Variants in SCUBE1 observed in about 807,000 individuals in gnomAD.
The protein encoded by SCUBE1 is signal peptide, CUB domain and EGF like domain containing 1.
In SCUBE1, 59 loss-of-function variants were observed where a neutral mutation model predicts 124.4. The observed-to-expected ratio is 0.47, with a 90% confidence interval of 0.38 to 0.59. The LOEUF (loss-of-function observed/expected upper bound fraction) is 0.59. Ranked by LOEUF, SCUBE1 falls within the 20% of genes least tolerant of loss-of-function variation. The probability of loss-of-function intolerance (pLI) is 0.00; values close to 1 mark genes in which losing one functional copy is unlikely to be tolerated. For synonymous variants in SCUBE1, 545 were observed against 550.9 expected (o/e 0.99, Z 0.15); for missense variants, 1,150 against 1,371.2 (o/e 0.84, Z 2.55).
chr22:43,245,819 A>G (rs1162828317), intron 6 of SCUBE1, among the ~76,000 whole-genome samples: 1 of 152,140 alleles, frequency 6.6e-6, no homozygotes, highest in African/African-American at 2.4e-5. Context: ...AACAATTTGC[A>G]AGGCAAATTA....
At chr22:43,217,303 TG>T (rs899902114) in intron 15 of SCUBE1, among the ~76,000 whole-genome samples, 2 of 151,616 alleles carry the variant, frequency 1.3e-5, no homozygotes, top group African/African-American at 2.4e-5. Flanking sequence ...AGACTGAACA[TG>T]TCCAGCCTGC....
At chr22:43,221,388 G>T in intron 12 of SCUBE1, 99 bp from the exon 13 acceptor site, 1 of 705,452 alleles carries the variant, frequency 1.4e-6, no homozygotes, top group East Asian at 2.6e-5. Flanking sequence ...TCTGGAGCTG[G>T]GGGTGGGGCT....
intron 2 of SCUBE1, among the ~76,000 whole-genome samples, chr22:43,332,133 A>G (rs1037140009): frequency 2.0e-5 from 3 of 152,058 alleles, no homozygotes; most frequent in Non-Finnish European, 4.4e-5. Flanking sequence ...CTAAAAATAC[A>G]AAAAACTAGC....
chr22:43,218,822 C>A (rs1331977104), intron 14 of SCUBE1, among the ~76,000 whole-genome samples: 1 of 152,214 alleles, frequency 6.6e-6, no homozygotes, highest in Non-Finnish European at 1.5e-5. Flanking sequence ...GGCCTTGAAT[C>A]CAAGGCCCTT....
intron 3 of SCUBE1, among the ~76,000 whole-genome samples, chr22:43,301,931 C>G (rs990049579): frequency 6.6e-6 from 1 of 152,232 alleles, no homozygotes; most frequent in Non-Finnish European, 1.5e-5. Context: ...CCTTCGCTGC[C>G]GTATGCTGCA....
At chr22:43,206,063 C>A (rs1921257344) in intron 21 of SCUBE1, among the ~76,000 whole-genome samples, 1 of 144,592 alleles carries the variant, frequency 6.9e-6, no homozygotes, top group Non-Finnish European at 1.5e-5. Context: ...ACACCACACA[C>A]CCTCACCTCC....
intron 2 of SCUBE1, among the ~76,000 whole-genome samples, chr22:43,320,728 G>A (rs1356669459): frequency 6.6e-6 from 1 of 152,208 alleles, no homozygotes; most frequent in Non-Finnish European, 1.5e-5. Flanking sequence ...CATTAACTCA[G>A]TGATGCAGGC....
chr22:43,309,637 C>T (rs1926101203), intron 3 of SCUBE1, among the ~76,000 whole-genome samples: 3 of 152,132 alleles, frequency 2.0e-5, no homozygotes, highest in Admixed American at 1.3e-4. Flanking sequence ...ATCTCCATTT[C>T]GATGGCTGCT....
At chr22:43,229,252 C>T in intron 8 of SCUBE1, 64 bp from the exon 9 acceptor site, 1 of 1,059,288 alleles carries the variant, frequency 9.4e-7, no homozygotes. Flanking sequence ...TGGGCACGGC[C>T]TGTCACTCTC....
At chr22:43,246,432 T>C (rs1923214830) in intron 6 of SCUBE1, among the ~76,000 whole-genome samples, 1 of 152,132 alleles carries the variant, frequency 6.6e-6, no homozygotes, top group Admixed American at 6.5e-5. Flanking sequence ...ACCCTCCAGC[T>C]GTGTGTGCCC....
At chr22:43,311,457 G>C in intron 3 of SCUBE1, among the ~76,000 whole-genome samples, 1 of 139,234 alleles carries the variant, frequency 7.2e-6, no homozygotes, top group South Asian at 2.3e-4. Flanking sequence ...GTCTCACTCT[G>C]TCGCCCAGGC....
chr22:43,243,504 GAC>G (rs1037418138), intron 6 of SCUBE1, among the ~76,000 whole-genome samples: 1 of 152,236 alleles, frequency 6.6e-6, no homozygotes, highest in Admixed American at 6.5e-5. Flanking sequence ...CCAGCGCTCT[GAC>G]AGAGGGAAGC....
rs905403617 is a variant in SCUBE1, at chr22:43,203,052, C to T, written c.*945G>A. ...GGAAGTGTCTTCCACTGAGTCTCGTCCAAGGGCAGTGATGTTGCTGGCAAG... is the reference window on the plus strand; with the variant it reads ...GGAAGTGTCTTCCACTGAGTCTCGTTCAAGGGCAGTGATGTTGCTGGCAAG... On this transcript the variant is annotated 3_prime_UTR_variant, in exon 22 of 22. Transcript: ENST00000360835. 2.0e-5 allele frequency: 3 copies of T among 152,262 alleles called. No individual in the cohort carries two copies. Among genetic ancestry groups the T allele is most frequent in the African/African-American group, 7.2e-5 (3 of 41,452 alleles). 9.4% of individuals were successfully genotyped at this position (152,262 alleles called of 1,614,324 possible).
chr22:43,340,510 A>T (rs762447272), intron 1 of SCUBE1, among the ~76,000 whole-genome samples: 4 of 151,386 alleles, frequency 2.6e-5, no homozygotes, highest in Non-Finnish European at 5.9e-5. Flanking sequence ...ACACACACAC[A>T]CACACACACA....
intron 3 of SCUBE1, among the ~76,000 whole-genome samples, chr22:43,309,357 A>T (rs1379120074): frequency 6.6e-6 from 1 of 152,170 alleles, no homozygotes; most frequent in Non-Finnish European, 1.5e-5. Context: ...AGAGAAGCAG[A>T]ATTACTTGCT....
intron 6 of SCUBE1, among the ~76,000 whole-genome samples, chr22:43,241,002 C>T (rs1922981751): frequency 1.3e-5 from 2 of 152,112 alleles, no homozygotes; most frequent in Admixed American, 6.6e-5. Context: ...GCTGAGGGCA[C>T]CGGGTCTCTG....
At chr22:43,303,828 G>A (rs1450730991) in intron 3 of SCUBE1, among the ~76,000 whole-genome samples, 4 of 152,240 alleles carry the variant, frequency 2.6e-5, no homozygotes, top group Admixed American at 2.6e-4. Flanking sequence ...ACAGTCAGGA[G>A]CATCTATTTT....
chr22:43,227,567 C>G (rs1306462600), intron 9 of SCUBE1, 71 bp from the exon 10 acceptor site: 1 of 1,577,718 alleles, frequency 6.3e-7, no homozygotes, highest in Non-Finnish European at 8.6e-7. Context: ...AGGGACCACC[C>G]AGGGCAAGAG....
chr22:43,341,675 A>G (rs768606149), intron 1 of SCUBE1, among the ~76,000 whole-genome samples: 27 of 152,002 alleles, frequency 1.8e-4, no homozygotes, highest in Non-Finnish European at 3.5e-4. Context: ...AGAGAGGGAG[A>G]AGCCACTTGT....
Sources: allele counts gnomAD v4.1 joint callset (sites outside exome capture counted in the v4.1 genomes callset), GRCh38; gene constraint gnomAD v4.1.1; transcripts MANE v1.5; gene names NCBI Gene and HGNC (gene_info 2026-07-23, HGNC 2026-07-21).